Variants in PPP6R3 observed in about 807,000 individuals in gnomAD.
PPP6R3 encodes protein phosphatase 6 regulatory subunit 3.
PPP6R3 carries 38 observed loss-of-function variants against 110.7 expected under a neutral mutation model. That is an observed-to-expected ratio of 0.34 (90% CI 0.26 to 0.45). PPP6R3 has a LOEUF of 0.45. Among genes scored for constraint, PPP6R3 ranks in the 20% least tolerant of loss-of-function variants. PPP6R3 has a pLI of 1.00. For synonymous variants in PPP6R3, 369 were observed against 373.5 expected (o/e 0.99, Z 0.14); for missense variants, 870 against 1,062.4 (o/e 0.82, Z 2.52).
intron 6 of PPP6R3, among the ~76,000 whole-genome samples, chr11:68,552,140 T>C (rs906736917): frequency 2.0e-5 from 3 of 152,122 alleles, no homozygotes; most frequent in African/African-American, 7.2e-5. Context: ...AAATTGGCAG[T>C]AGTCATCCAT....
chr11:68,587,974 C>G lies in PPP6R3; in HGVS notation c.1680C>G (p.Asp560Glu). ...QMQQMTSNFIDQFGFNDEKFA... is the reference protein window; with the variant it reads ...QMQQMTSNFIEQFGFNDEKFA... Reference sequence around the variant, plus strand: ...AACAAATGACGTCCAATTTTATTGACCAGTTTGGCTTCAACGATGAGAAGT... The same window carrying G: ...AACAAATGACGTCCAATTTTATTGAGCAGTTTGGCTTCAACGATGAGAAGT... The change falls in exon 16 of 24, where the codon GAC (aspartate) becomes GAG (glutamate). Residue 560 changes from aspartate to glutamate, a missense_variant. Transcript: ENST00000393800. 1.2e-6 allele frequency: 2 copies of G among 1,614,144 alleles called. No homozygotes were observed. Among genetic ancestry groups the G allele is most frequent in the Non-Finnish European group, 1.7e-6 (2 of 1,180,014 alleles).
intron 7 of PPP6R3, among the ~76,000 whole-genome samples, chr11:68,557,175 T>C (rs186767481): frequency 7.4e-4 from 112 of 152,364 alleles, no homozygotes; most frequent in African/African-American, 2.6e-3. Flanking sequence ...CCAGACCTAA[T>C]AGTTAGTGTA....
At chr11:68,493,587 A>G (rs372200758) in intron 1 of PPP6R3, among the ~76,000 whole-genome samples, 1 of 145,278 alleles carries the variant, frequency 6.9e-6, no homozygotes, top group African/African-American at 2.6e-5. Flanking sequence ...GTGAGCCATC[A>G]TGCTTGGGGT....
At chr11:68,538,597 G>C in intron 3 of PPP6R3, among the ~76,000 whole-genome samples, 1 of 152,192 alleles carries the variant, frequency 6.6e-6, no homozygotes, top group East Asian at 1.9e-4. Flanking sequence ...GGAAGAATTA[G>C]GCTTTTAGTA....
At chr11:68,570,909 G>T (rs1312822622) in intron 11 of PPP6R3, 131 bp from the exon 12 acceptor site, 3 of 1,122,950 alleles carry the variant, frequency 2.7e-6, no homozygotes, top group Non-Finnish European at 3.7e-6. Flanking sequence ...TGATCACATT[G>T]CATTTGGCTT....
intron 2 of PPP6R3, among the ~76,000 whole-genome samples, chr11:68,520,079 C>T (rs1215483112): frequency 1.3e-5 from 2 of 152,180 alleles, no homozygotes; most frequent in Non-Finnish European, 1.5e-5. Flanking sequence ...GTCCTAATCT[C>T]CATCACTTTA....
rs1022408436 is a variant in PPP6R3 at position 68,600,245 on chromosome 11, C to G, written c.2039-96C>G. On this transcript the variant is annotated intron_variant, in intron 19 of 23. Coordinates refer to ENST00000393800, the MANE Select transcript of PPP6R3 (RefSeq NM_001164161.2). ...TGGTGAGAGTGTCTTTCTCCCACAG[C>G]TCCAGTCTCTTTTGCTAATGTGTTT... 9 of 1,385,988 alleles carry G rather than the reference C, an allele frequency of 6.5e-6. No homozygotes were observed. In the African/African-American group the frequency reaches 1.0e-4, roughly 16 times the overall value. 85.9% of individuals were successfully genotyped at this position (1,385,988 alleles called of 1,614,324 possible).
intron 2 of PPP6R3, among the ~76,000 whole-genome samples, chr11:68,527,207 G>A (rs2099203534): frequency 6.6e-6 from 1 of 152,198 alleles, no homozygotes; most frequent in African/African-American, 2.4e-5. Flanking sequence ...AGAAGTAATG[G>A]TCATTTAGTG....
chr11:68,551,429 C>T (rs761837356), intron 6 of PPP6R3, among the ~76,000 whole-genome samples: 4 of 152,106 alleles, frequency 2.6e-5, no homozygotes, highest in South Asian at 2.1e-4. Context: ...TTTCTAGAGC[C>T]GGTATTTCAT....
intron 1 of PPP6R3, among the ~76,000 whole-genome samples, chr11:68,479,026 C>T (rs1047020931): frequency 5.9e-5 from 9 of 152,126 alleles, no homozygotes; most frequent in Non-Finnish European, 1.3e-4. Context: ...CATCAGAAAG[C>T]AAAGGTGTCA....
At chr11:68,470,151 G>A (rs1409538114) in intron 1 of PPP6R3, among the ~76,000 whole-genome samples, 1 of 152,194 alleles carries the variant, frequency 6.6e-6, no homozygotes, top group African/African-American at 2.4e-5. Flanking sequence ...CATTTTGGTA[G>A]GGGAAAGACA....
intron 1 of PPP6R3, among the ~76,000 whole-genome samples, 196 bp downstream of exon 1, chr11:68,461,023 G>C (rs1257943739): frequency 6.6e-5 from 10 of 151,692 alleles, no homozygotes; most frequent in Admixed American, 6.6e-4. Context: ...GCCGCTCCCC[G>C]TCCGCTCCTG....
intron 1 of PPP6R3, among the ~76,000 whole-genome samples, chr11:68,509,978 A>G (rs974770059): frequency 2.1e-5 from 3 of 143,084 alleles, no homozygotes; most frequent in Non-Finnish European, 4.5e-5. Flanking sequence ...GTCTCAAACT[A>G]TTGACCTGAG....
At chr11:68,604,821 A>G (rs920190443) in intron 22 of PPP6R3, among the ~76,000 whole-genome samples, 16 of 152,236 alleles carry the variant, frequency 1.1e-4, no homozygotes, top group Non-Finnish European at 2.2e-4. Context: ...TGAAGACCTG[A>G]ATATAAATAC....
intron 1 of PPP6R3, among the ~76,000 whole-genome samples, chr11:68,467,580 C>T (rs977340704): frequency 6.6e-6 from 1 of 152,176 alleles, no homozygotes; most frequent in African/African-American, 2.4e-5. Flanking sequence ...TGCCTGAGAA[C>T]ACATGTCACA....
intron 6 of PPP6R3, among the ~76,000 whole-genome samples, chr11:68,552,839 A>T (rs572271602): frequency 6.6e-6 from 1 of 152,346 alleles, no homozygotes; most frequent in South Asian, 2.1e-4. Context: ...AGGGCCCAGG[A>T]GAAATTGATA....
chr11:68,555,819 C>T (rs1172782732), intron 7 of PPP6R3, among the ~76,000 whole-genome samples: 1 of 152,158 alleles, frequency 6.6e-6, no homozygotes, highest in Non-Finnish European at 1.5e-5. Flanking sequence ...ATCAATGGCC[C>T]TGTTGCCAAG....
intron 14 of PPP6R3, among the ~76,000 whole-genome samples, chr11:68,578,622 C>G (rs1314404453): frequency 1.3e-5 from 2 of 152,212 alleles, no homozygotes; most frequent in Non-Finnish European, 2.9e-5. Flanking sequence ...AGGATACATT[C>G]ATTTATACAC....
At chr11:68,477,407 G>A (rs568918149) in intron 1 of PPP6R3, among the ~76,000 whole-genome samples, 1 of 151,894 alleles carries the variant, frequency 6.6e-6, no homozygotes, top group African/African-American at 2.4e-5. Context: ...TCAGCTCTGT[G>A]ATGAGTTTAT....
Sources: gnomAD v4.1 joint callset for allele counts (sites outside exome capture counted in the v4.1 genomes callset) on GRCh38, gnomAD v4.1.1 for gene constraint, MANE v1.5 for transcripts, NCBI Gene and HGNC (gene_info 2026-07-23, HGNC 2026-07-21) for gene names.